Variants in CLSTN2 observed in about 807,000 individuals in gnomAD.
The protein encoded by CLSTN2 is calsyntenin-2.
Under a neutral mutation model 101.2 loss-of-function variants are expected in CLSTN2, and 48 were observed. The observed-to-expected ratio is 0.47, with a 90% CI of 0.38 to 0.60. The LOEUF (loss-of-function observed/expected upper bound fraction) is 0.60. Ranked by LOEUF, CLSTN2 falls within the 20% of genes least tolerant of loss-of-function variation. The probability of loss-of-function intolerance (pLI) is 0.00; values close to 1 mark genes in which losing one functional copy is unlikely to be tolerated. For synonymous variants in CLSTN2, 481 were observed against 463.6 expected (o/e 1.04, Z -0.48); for missense variants, 1,160 against 1,238.2 (o/e 0.94, Z 0.95).
chr3:139,994,742 G>T (rs2107829767), intron 1 of CLSTN2, among the ~76,000 whole-genome samples: 1 of 152,278 alleles, frequency 6.6e-6, no homozygotes, highest in Non-Finnish European at 1.5e-5. Context: ...TGAGCCTCAT[G>T]GATTGGAGGA....
intron 1 of CLSTN2, among the ~76,000 whole-genome samples, chr3:140,130,368 A>T (rs754592724): frequency 6.6e-6 from 1 of 152,186 alleles, no homozygotes; most frequent in Non-Finnish European, 1.5e-5. Context: ...GCTTAAGAAC[A>T]TGTTATGGGA....
intron 1 of CLSTN2, among the ~76,000 whole-genome samples, chr3:140,149,446 G>A (rs534317512): frequency 7.8e-5 from 10 of 128,340 alleles, no homozygotes; most frequent in African/African-American, 3.0e-4. Context: ...CAGTTAACTC[G>A]AATGTCAGAT....
intron 2 of CLSTN2, among the ~76,000 whole-genome samples, chr3:140,364,783 A>T (rs1323008106): frequency 6.6e-6 from 1 of 152,160 alleles, no homozygotes; most frequent in Non-Finnish European, 1.5e-5. Flanking sequence ...CCACAGGGAA[A>T]TTTATTCATT....
chr3:140,026,267 G>A (rs890442094), intron 1 of CLSTN2, among the ~76,000 whole-genome samples: 10 of 152,158 alleles, frequency 6.6e-5, no homozygotes, highest in African/African-American at 2.4e-4. Flanking sequence ...TTGTTGGGGG[G>A]AAAGTGCCGA....
intron 2 of CLSTN2, among the ~76,000 whole-genome samples, chr3:140,186,043 C>T (rs1402696926): frequency 1.3e-5 from 2 of 152,014 alleles, no homozygotes; most frequent in Non-Finnish European, 2.9e-5. Flanking sequence ...GTTAAGGGGA[C>T]GTGGGGCATC....
At chr3:140,353,546 G>A (rs995995358) in intron 2 of CLSTN2, among the ~76,000 whole-genome samples, 5 of 152,174 alleles carry the variant, frequency 3.3e-5, no homozygotes, top group South Asian at 2.1e-4. Flanking sequence ...TGACTCAAAC[G>A]TTAATCTCCT....
intron 1 of CLSTN2, among the ~76,000 whole-genome samples, chr3:140,132,699 A>G (rs1363996913): frequency 2.0e-5 from 3 of 152,248 alleles, no homozygotes; most frequent in African/African-American, 7.2e-5. Flanking sequence ...TATACTTCTT[A>G]AAGTTTAAAT....
intron 1 of CLSTN2, among the ~76,000 whole-genome samples, chr3:139,995,013 A>T (rs1936178933): frequency 6.6e-6 from 1 of 152,220 alleles, no homozygotes; most frequent in Non-Finnish European, 1.5e-5. Context: ...CTCAGACTTT[A>T]TCTCTCTGAC....
At position 140,103,372 on chromosome 3, in the gene CLSTN2, C is replaced by T. The variant is rs141345805; in HGVS notation, c.110-72579C>T. Among the ~76,000 whole-genome samples the T allele has an allele frequency of 1.8e-4, 27 of 152,328 alleles. 1 individual carries two copies. Among genetic ancestry groups the T allele is most frequent in the Middle Eastern group, 6.8e-3 (2 of 294 alleles). On this transcript the variant is annotated intron_variant, in intron 1 of 16. Transcript: ENST00000458420. ...TGGGTGGAGAAGAGGCAGCTACCCC[C>T]TCCATAGTGTGCTTTCAGAGGAGAC...
Position 140,144,560 on chromosome 3 carries a change from G to A in CLSTN2, c.110-31391G>A, listed in dbSNP as rs535872880. 1.7e-4 allele frequency among the ~76,000 whole-genome samples: 26 copies of A among 152,194 alleles called. No individual in the cohort carries two copies. The East Asian group carries it at 4.8e-3, about 28-fold the overall frequency. ...GAACCCAGGAGGCGTAGGTTGCAGT[G>A]AGCCAAGATCGCGCCACTGCACTCC... On this transcript the variant is annotated intron_variant, in intron 1 of 16. Coordinates refer to ENST00000458420, the MANE Select transcript of CLSTN2 (RefSeq NM_022131.3).
intron 2 of CLSTN2, among the ~76,000 whole-genome samples, chr3:140,326,878 G>A (rs1338040855): frequency 6.6e-6 from 1 of 152,186 alleles, no homozygotes; most frequent in Non-Finnish European, 1.5e-5. Context: ...TCTCTTTTAA[G>A]AGTGAAAGGT....
At chr3:139,956,558 CAG>C (rs1479793931) in intron 1 of CLSTN2, among the ~76,000 whole-genome samples, 1 of 152,178 alleles carries the variant, frequency 6.6e-6, no homozygotes, top group African/African-American at 2.4e-5. Context: ...AATTGAAACA[CAG>C]AGGTCTACTA....
intron 2 of CLSTN2, among the ~76,000 whole-genome samples, chr3:140,189,221 T>C (rs1559802029): frequency 6.6e-6 from 1 of 152,364 alleles, no homozygotes; most frequent in East Asian, 1.9e-4. Context: ...AACATTTATG[T>C]ACAAGTTTTT....
intron 2 of CLSTN2, among the ~76,000 whole-genome samples, chr3:140,288,616 G>T (rs1312274220): frequency 6.6e-6 from 1 of 152,132 alleles, no homozygotes; most frequent in Non-Finnish European, 1.5e-5. Flanking sequence ...AGGAAATGCT[G>T]ATCAATTGTT....
intron 2 of CLSTN2, among the ~76,000 whole-genome samples, chr3:140,270,538 G>C (rs1163468821): frequency 1.3e-5 from 2 of 152,172 alleles, no homozygotes; most frequent in Middle Eastern, 3.2e-3. Flanking sequence ...CGCAACTCTA[G>C]TGCCTCCCAT....
chr3:140,440,779 G>A (rs965215916), intron 5 of CLSTN2, among the ~76,000 whole-genome samples: 1 of 152,164 alleles, frequency 6.6e-6, no homozygotes, highest in Non-Finnish European at 1.5e-5. Context: ...ATTAATTAAT[G>A]TCCCCATTCT....
At chr3:140,023,096 C>T (rs183866272) in intron 1 of CLSTN2, among the ~76,000 whole-genome samples, 148 of 152,272 alleles carry the variant, frequency 9.7e-4, no homozygotes, top group African/African-American at 3.4e-3. Context: ...TGCCTGGCTC[C>T]TGGACACTGC....
At chr3:140,075,283 A>G (rs1311162500) in intron 1 of CLSTN2, among the ~76,000 whole-genome samples, 2 of 151,852 alleles carry the variant, frequency 1.3e-5, no homozygotes, top group African/African-American at 4.8e-5. Context: ...CAGTGCACTA[A>G]TATTTGTCCT....
intron 1 of CLSTN2, among the ~76,000 whole-genome samples, chr3:140,170,762 G>A (rs1047492947): frequency 6.6e-6 from 1 of 152,170 alleles, no homozygotes; most frequent in African/African-American, 2.4e-5. Context: ...TCTGAGTAAT[G>A]AAAAAGCAGC....
Sources: allele counts gnomAD v4.1 joint callset (sites outside exome capture counted in the v4.1 genomes callset), GRCh38; gene constraint gnomAD v4.1.1; transcripts MANE v1.5; gene names NCBI Gene and HGNC (gene_info 2026-07-23, HGNC 2026-07-21).